Variants in HORMAD2 observed in about 807,000 individuals in gnomAD.
HORMAD2 encodes HORMA domain-containing protein 2.
Under a neutral mutation model 38.8 loss-of-function variants are expected in HORMAD2, and 45 were observed. The observed-to-expected ratio is 1.16, with a 90% CI of 0.91 to 1.49. The LOEUF (loss-of-function observed/expected upper bound fraction) is 1.49, where lower values mean the gene tolerates loss of function less well. Among genes scored for constraint, HORMAD2 ranks in the 40% most tolerant of loss-of-function variants. The probability of loss-of-function intolerance (pLI) is 0.00; values close to 1 mark genes in which losing one functional copy is unlikely to be tolerated. For synonymous variants in HORMAD2, 126 were observed against 122.8 expected (o/e 1.03, Z -0.17); for missense variants, 338 against 367.0 (o/e 0.92, Z 0.65).
intron 10 of HORMAD2, among the ~76,000 whole-genome samples, chr22:30,166,662 C>G (rs1925803311): frequency 6.6e-6 from 1 of 152,088 alleles, no homozygotes; most frequent in Non-Finnish European, 1.5e-5. Flanking sequence ...ACATTAATTC[C>G]TAAATAAAAA....
At chr22:30,102,148 A>G (rs1050574517) in intron 3 of HORMAD2, among the ~76,000 whole-genome samples, 1 of 152,268 alleles carries the variant, frequency 6.6e-6, no homozygotes. Context: ...TGATATTTGC[A>G]ATCATGACAA....
chr22:30,207,253 C>G, the HORMAD2 span: 1 of 349,688 alleles, frequency 2.9e-6, no homozygotes, highest in African/African-American at 2.1e-5. Flanking sequence ...AGGACAAAGA[C>G]TGATTCTTTT....
At chr22:30,156,822 A>G (rs1049482735) in intron 10 of HORMAD2, among the ~76,000 whole-genome samples, 26 of 152,214 alleles carry the variant, frequency 1.7e-4, no homozygotes, top group African/African-American at 6.0e-4. Flanking sequence ...CGTTGTCATC[A>G]AAGAGACTAA....
downstream of HORMAD2, among the ~76,000 whole-genome samples, chr22:30,179,210 A>G (rs989182763): frequency 8.5e-5 from 13 of 152,230 alleles, no homozygotes; most frequent in African/African-American, 3.1e-4. Context: ...TATAATCATC[A>G]TCATTTAGAA....
At position 30,129,238 on chromosome 22, in the gene HORMAD2, AAAAAAAAAAAAAAAAAAAG is replaced by A. The variant is rs1291457538; in HGVS notation, c.819+7026_819+7044del. On this transcript the variant is annotated intron_variant, in intron 10 of 10. Transcript: ENST00000336726. ...ATCTCAAAAAAAAAAAAAAAAAAAA[AAAAAAAAAAAAAAAAAAAG>A]AGAGAGAGAGAATAAATAATGCCCT... 5.4e-3 allele frequency among the ~76,000 whole-genome samples: 409 copies of A among 76,160 alleles called. 29 individuals are homozygous for A. Among genetic ancestry groups the A allele is most frequent in the African/African-American group, 0.019 (373 of 19,470 alleles). 50.0% of individuals were successfully genotyped at this position (76,160 alleles called of 152,430 possible). A position where few individuals can be genotyped will look rare whatever the true frequency, so the allele number is the denominator to read the frequency against.
intron 5 of HORMAD2, among the ~76,000 whole-genome samples, chr22:30,108,184 A>T (rs1345648134): frequency 3.3e-5 from 5 of 152,200 alleles, no homozygotes; most frequent in Non-Finnish European, 5.9e-5. Flanking sequence ...TATTGTATAT[A>T]GCTATCTAGC....
intron 10 of HORMAD2, among the ~76,000 whole-genome samples, chr22:30,144,178 T>G (rs1924266652): frequency 6.6e-6 from 1 of 152,238 alleles, no homozygotes; most frequent in Non-Finnish European, 1.5e-5. Flanking sequence ...TGCTGGTGAT[T>G]GCTCCATTAT....
At chr22:30,100,332 G>C (rs995101146) in intron 3 of HORMAD2, among the ~76,000 whole-genome samples, 1 of 152,222 alleles carries the variant, frequency 6.6e-6, no homozygotes, top group African/African-American at 2.4e-5. Flanking sequence ...CAAGCATTGA[G>C]TAAAGGATTC....
the HORMAD2 span, among the ~76,000 whole-genome samples, chr22:30,205,660 T>C: frequency 6.6e-6 from 1 of 152,168 alleles, no homozygotes; most frequent in East Asian, 1.9e-4. Context: ...ACGAAAGTAC[T>C]GTATTTCCCC....
the HORMAD2 span, among the ~76,000 whole-genome samples, chr22:30,182,527 G>T: frequency 6.6e-6 from 1 of 152,190 alleles, no homozygotes; most frequent in African/African-American, 2.4e-5. Flanking sequence ...AAGCGACAGG[G>T]CTGGTGACGT....
At chr22:30,162,350 C>T (rs970448503) in intron 10 of HORMAD2, among the ~76,000 whole-genome samples, 18 of 147,316 alleles carry the variant, frequency 1.2e-4, no homozygotes, top group Non-Finnish European at 2.2e-4. Context: ...CACACACACA[C>T]GATATGTTGT....
At chr22:30,108,469 C>T (rs914321848) in intron 5 of HORMAD2, among the ~76,000 whole-genome samples, 1 of 152,104 alleles carries the variant, frequency 6.6e-6, no homozygotes, top group Non-Finnish European at 1.5e-5. Flanking sequence ...TTCCTCTTGC[C>T]TGGAAACTTC....
At chr22:30,103,539 T>G (rs1920978231) in intron 4 of HORMAD2, 39 bp downstream of exon 4, 1 of 1,056,324 alleles carries the variant, frequency 9.5e-7, no homozygotes, top group East Asian at 2.7e-5. Flanking sequence ...AACAACATTA[T>G]TTTTATCATG....
At chr22:30,119,808 C>T (rs1469539873) in intron 8 of HORMAD2, among the ~76,000 whole-genome samples, 2 of 152,084 alleles carry the variant, frequency 1.3e-5, no homozygotes, top group African/African-American at 4.8e-5. Context: ...TTCAATTTTC[C>T]CTACTATTAG....
intron 7 of HORMAD2, among the ~76,000 whole-genome samples, chr22:30,116,454 T>C (rs943916075): frequency 6.6e-6 from 1 of 152,194 alleles, no homozygotes; most frequent in African/African-American, 2.4e-5. Flanking sequence ...ACCTGAAAAG[T>C]CTTGCCAATG....
intron 7 of HORMAD2, among the ~76,000 whole-genome samples, chr22:30,116,072 T>C (rs1922022423): frequency 6.6e-6 from 1 of 152,138 alleles, no homozygotes; most frequent in Non-Finnish European, 1.5e-5. Context: ...TTGTGAAATA[T>C]TTAGGGCAGT....
chr22:30,098,733 C>T, intron 2 of HORMAD2, 119 bp from the exon 3 acceptor site: 1 of 815,766 alleles, frequency 1.2e-6, no homozygotes, highest in Non-Finnish European at 1.8e-6. Context: ...TTTTGATTAC[C>T]TTCAAAGATA....
At chr22:30,080,712 G>A (rs2077152929) in intron 1 of HORMAD2, among the ~76,000 whole-genome samples, 2 of 152,124 alleles carry the variant, frequency 1.3e-5, no homozygotes, top group South Asian at 2.1e-4. Flanking sequence ...ATTTCCCCCA[G>A]AACTGGACAG....
intron 10 of HORMAD2, among the ~76,000 whole-genome samples, chr22:30,128,823 G>A (rs1474838232): frequency 6.6e-6 from 1 of 152,172 alleles, no homozygotes; most frequent in Non-Finnish European, 1.5e-5. Context: ...TGTTGCAAAA[G>A]TAAAATCATG....
Sources: gnomAD v4.1 joint callset for allele counts (sites outside exome capture counted in the v4.1 genomes callset) on GRCh38, gnomAD v4.1.1 for gene constraint, MANE v1.5 for transcripts, NCBI Gene and HGNC (gene_info 2026-07-23, HGNC 2026-07-21) for gene names.